ZNF571: variants seen among roughly 807,000 people sequenced by gnomAD.
ZNF571 encodes the protein zinc finger protein 571.
ZNF571 carries 4 observed loss-of-function variants against 7.7 expected under a neutral mutation model. The ratio of observed to expected loss-of-function variants is 0.52; its 90% CI spans 0.25 to 1.18. The LOEUF (loss-of-function observed/expected upper bound fraction) is 1.18, where lower values mean the gene tolerates loss of function less well. Among genes scored for constraint, ZNF571 ranks in the 50% most tolerant of loss-of-function variants. ZNF571 has a pLI of 0.14. For missense variants in ZNF571, 704 were observed against 726.9 expected, an observed-to-expected ratio of 0.97 and a Z score of 0.36; for synonymous variants, 251 against 232.4, an observed-to-expected ratio of 1.08 and a Z score of -0.73.
intron 3 of ZNF571, among the ~76,000 whole-genome samples, chr19:37,575,248 C>G (rs899877164): frequency 6.6e-6 from 1 of 152,100 alleles, no homozygotes. Context: ...TAATAATGTA[C>G]TAGTACTATT....
At chr19:37,586,237 C>G (rs1318432613) in intron 2 of ZNF571, 1 of 156,326 alleles carries the variant, frequency 6.4e-6, no homozygotes, top group Non-Finnish European at 1.4e-5. Flanking sequence ...AAAATCTTGC[C>G]ACACACTGAG....
intron 1 of ZNF571, among the ~76,000 whole-genome samples, chr19:37,591,682 T>C (rs982046522): frequency 6.6e-6 from 1 of 151,952 alleles, no homozygotes; most frequent in African/African-American, 2.4e-5. Flanking sequence ...GTAGCTGGGA[T>C]TACAGGAATG....
At chr19:37,586,640 T>C (rs2043683864) in intron 2 of ZNF571, 28 bp downstream of exon 2, 12 of 1,613,662 alleles carry the variant, frequency 7.4e-6, no homozygotes, top group Non-Finnish European at 1.0e-5. Flanking sequence ...ATGATTGTAC[T>C]TCAAGAAGGA....
chr19:37,593,478 T>C (rs1320669914), intron 1 of ZNF571, among the ~76,000 whole-genome samples: 2 of 151,830 alleles, frequency 1.3e-5, no homozygotes, highest in African/African-American at 4.8e-5. Context: ...CCCAGGCGGG[T>C]GGATCACGAG....
intron 3 of ZNF571, among the ~76,000 whole-genome samples, chr19:37,579,958 A>T (rs929284555): frequency 6.6e-6 from 1 of 152,192 alleles, no homozygotes; most frequent in Non-Finnish European, 1.5e-5. Context: ...GCTACCTATT[A>T]TTCTGGAAAA....
chr19:37,589,182 AAGAGCCAAACTCCGTCTC>A, intron 1 of ZNF571, among the ~76,000 whole-genome samples: 1 of 146,912 alleles, frequency 6.8e-6, no homozygotes, highest in Non-Finnish European at 1.5e-5. Flanking sequence ...CCTGGGCGAC[AAGAGCCAAACTCCGTCTC>A]AAAAAAAAAA....
At chr19:37,588,459 A>G (rs1423817688) in intron 1 of ZNF571, among the ~76,000 whole-genome samples, 1 of 152,242 alleles carries the variant, frequency 6.6e-6, no homozygotes, top group African/African-American at 2.4e-5. Context: ...ACACAGAAAC[A>G]AAACCAAATA....
chr19:37,582,545 G>A (rs1032780464), intron 3 of ZNF571, among the ~76,000 whole-genome samples: 6 of 151,960 alleles, frequency 3.9e-5, no homozygotes, highest in South Asian at 2.1e-4. Flanking sequence ...TCAGTTCCTC[G>A]GTACAGAGAG....
Position 37,565,627 on chromosome 19 carries a change from A to G in ZNF571, c.801T>C (p.Thr267=). The G allele has an allele frequency of 6.2e-7, 1 of 1,613,342 alleles. No individual in the cohort carries two copies. The highest frequency in any genetic ancestry group is 8.5e-7 in the Non-Finnish European group (1 of 1,179,768). The change falls in exon 4 of 4, where the codon ACT becomes ACC. Residue 267 remains threonine, a synonymous_variant. Coordinates refer to ENST00000451802, the MANE Select transcript of ZNF571 (RefSeq NM_016536.5). ...GKAFSYCSQY[T]LHQRIHSGEK... ...CACCACTATGAATTCTCTGATGAAG[A>G]GTATATTGTGAACAATAACTAAAGG...
In ZNF571 at chr19:37,565,741, C is replaced by T; in HGVS notation, c.687G>A (p.Gly229=). 1 of 1,613,824 alleles carries T rather than the reference C, an allele frequency of 6.2e-7. No homozygotes were observed. The highest frequency in any genetic ancestry group is 8.5e-7 in the Non-Finnish European group (1 of 1,179,918). The stretch of plus-strand genomic sequence containing the variant: ...GCTGTGAACCACGAATAAAAGCTTT[C>T]CCACATGCGTTACACTGATAAGGTT... ...NEKPYQCNAC[G]KAFIRGSQLT... is the part of the protein sequence containing the mutation. Residue 229 remains glycine, a synonymous_variant, in exon 4 of 4, where the codon GGG becomes GGA. Transcript: ENST00000451802.
intron 3 of ZNF571, among the ~76,000 whole-genome samples, chr19:37,568,983 G>GT (rs2042965736): frequency 6.6e-6 from 1 of 151,424 alleles, no homozygotes; most frequent in South Asian, 2.1e-4. Flanking sequence ...TTGAGATGGA[G>GT]TCTCGCTCTG....
Position 37,564,371 on chromosome 19 carries a change from G to T in ZNF571, c.*227C>A. 2.7e-6 allele frequency: 1 copy of T among 372,750 alleles called. No individual in the cohort carries two copies. Among genetic ancestry groups the T allele is most frequent in the Non-Finnish European group, 4.7e-6 (1 of 210,690 alleles). The allele number at this position is 372,750 out of a possible 1,614,324, so 23.1% of individuals were successfully genotyped here. ...TATATAGGATTTCAGTTAGGATATGGTGAAATGGAGATGATGCTTAATAAA... is the reference window on the plus strand; with the variant it reads ...TATATAGGATTTCAGTTAGGATATGTTGAAATGGAGATGATGCTTAATAAA... On this transcript the variant is annotated 3_prime_UTR_variant, in exon 4 of 4. Transcript: ENST00000451802.
intron 2 of ZNF571, chr19:37,586,418 T>C: frequency 1.9e-6 from 1 of 536,478 alleles, no homozygotes. Context: ...CCCTCAGAGC[T>C]CTGGGCAGAA....
intron 3 of ZNF571, among the ~76,000 whole-genome samples, chr19:37,573,505 T>A (rs1476014406): frequency 6.6e-6 from 1 of 152,102 alleles, no homozygotes; most frequent in African/African-American, 2.4e-5. Context: ...AAGAATTTTC[T>A]TATTAATACA....
chr19:37,588,061 C>A (rs1267379411), intron 1 of ZNF571, among the ~76,000 whole-genome samples: 3 of 131,410 alleles, frequency 2.3e-5, no homozygotes, highest in Non-Finnish European at 4.7e-5. Flanking sequence ...GATTGCGCCA[C>A]TGCACTCCAG....
chr19:37,594,792 C>G lies in ZNF571; in HGVS notation c.-121G>C, dbSNP rs570855924. 6.6e-6 allele frequency: 1 copy of G among 152,272 alleles called. No individual in the cohort carries two copies. Among genetic ancestry groups the G allele is most frequent in the South Asian group, 2.1e-4 (1 of 4,822 alleles). The allele number at this position is 152,272 out of a possible 1,614,324, so 9.4% of individuals were successfully genotyped here. A position where few individuals can be genotyped will look rare whatever the true frequency, so the allele number is the denominator to read the frequency against. On this transcript the variant is annotated 5_prime_UTR_variant, in exon 1 of 4. Coordinates refer to ENST00000451802, the MANE Select transcript of ZNF571 (RefSeq NM_016536.5). ...GTCAAGACATAACAGCGTAAGTGTA[C>G]GACGTTGCGCAGCGACGCGGGGGCC...
At chr19:37,590,918 CTGT>C (rs552556374) in intron 1 of ZNF571, among the ~76,000 whole-genome samples, 123 of 152,264 alleles carry the variant, frequency 8.1e-4, no homozygotes, top group Middle Eastern at 3.4e-3. Flanking sequence ...GTGACAGTTA[CTGT>C]TGTTTTCAAA....
In ZNF571 at chr19:37,564,753, C is replaced by T. The variant is rs2042785113; in HGVS notation, c.1675G>A (p.Glu559Lys). 1 of 1,613,572 alleles carries T rather than the reference C, an allele frequency of 6.2e-7. No individual in the cohort carries two copies. The highest frequency in any genetic ancestry group is 2.2e-5 in the East Asian group (1 of 44,876). ...LRTHTGEKPY[E>K]CKECGRAFSR... ...AAGGCCCTCCCACATTCCTTACATT[C>T]ATAGGGTTTCTCTCCAGTATGAGTT... Residue 559 changes from glutamate to lysine, a missense_variant, in exon 4 of 4, where the codon GAA (glutamate) becomes AAA (lysine). Coordinates refer to ENST00000451802, the MANE Select transcript of ZNF571 (RefSeq NM_016536.5).
chr19:37,589,200 CAAAAAAA>C (rs35689698), intron 1 of ZNF571, among the ~76,000 whole-genome samples: 27,524 of 108,896 alleles, frequency 0.25, 2,725 homozygotes, highest in Middle Eastern at 0.4. Flanking sequence ...AACTCCGTCT[CAAAAAAA>C]AAAAAAAAAA....
Sources: allele counts gnomAD v4.1 joint callset (sites outside exome capture counted in the v4.1 genomes callset), GRCh38; gene constraint gnomAD v4.1.1; transcripts MANE v1.5; gene names NCBI Gene and HGNC (gene_info 2026-07-23, HGNC 2026-07-21).